Variants in LRP1B observed in about 807,000 individuals in gnomAD.
The protein encoded by LRP1B is low-density lipoprotein receptor-related protein 1B.
In LRP1B, 217 loss-of-function variants were observed where a neutral mutation model predicts 556.6. The observed-to-expected ratio is 0.39, with a 90% CI of 0.35 to 0.44. The LOEUF (loss-of-function observed/expected upper bound fraction) is 0.44, where lower values mean the gene tolerates loss of function less well. Among genes scored for constraint, LRP1B ranks in the 20% least tolerant of loss-of-function variants. LRP1B has a pLI of 1.00. For synonymous variants in LRP1B, 2,047 were observed against 1,865.8 expected, an observed-to-expected ratio of 1.10 and a Z score of -2.50; for missense variants, 5,053 against 5,620.8, an observed-to-expected ratio of 0.90 and a Z score of 3.23.
At chr2:141,699,768 G>A (rs1691869060) in intron 2 of LRP1B, among the ~76,000 whole-genome samples, 1 of 150,596 alleles carries the variant, frequency 6.6e-6, no homozygotes, top group Admixed American at 6.7e-5. Flanking sequence ...TATTGTACAA[G>A]CATGTGAATA....
chr2:140,855,588 C>CT (rs1410197877), intron 27 of LRP1B, among the ~76,000 whole-genome samples: 1 of 151,884 alleles, frequency 6.6e-6, no homozygotes, highest in Non-Finnish European at 1.5e-5. Context: ...ATCCTCAGCA[C>CT]TAGTCAGACT....
chr2:140,756,978 A>T (rs1688761643), intron 35 of LRP1B, among the ~76,000 whole-genome samples: 1 of 152,140 alleles, frequency 6.6e-6, no homozygotes, highest in Non-Finnish European at 1.5e-5. Context: ...AAAGACAAAG[A>T]CCCCAGTAAT....
At chr2:140,702,004 G>T in intron 39 of LRP1B, 137 bp downstream of exon 39, 1 of 1,305,158 alleles carries the variant, frequency 7.7e-7, no homozygotes. Flanking sequence ...AAGAGTACCT[G>T]CCTTTTCTGT....
intron 1 of LRP1B, among the ~76,000 whole-genome samples, chr2:141,832,144 T>C (rs1392187099): frequency 6.6e-6 from 1 of 151,736 alleles, no homozygotes; most frequent in Non-Finnish European, 1.5e-5. Flanking sequence ...TTGCTGAGAA[T>C]ACAGTTGGAA....
chr2:141,721,820 C>A (rs1356335255), intron 2 of LRP1B, among the ~76,000 whole-genome samples: 1 of 152,064 alleles, frequency 6.6e-6, no homozygotes, highest in African/African-American at 2.4e-5. Flanking sequence ...CCTGAACCAC[C>A]AAAATGTATA....
chr2:140,904,858 T>A (rs891523789), intron 22 of LRP1B, among the ~76,000 whole-genome samples: 1 of 151,918 alleles, frequency 6.6e-6, no homozygotes, highest in Non-Finnish European at 1.5e-5. Flanking sequence ...GAAAAAAAAA[T>A]TGTTACAATG....
At chr2:141,616,460 C>T (rs1032334910) in intron 2 of LRP1B, among the ~76,000 whole-genome samples, 3 of 152,150 alleles carry the variant, frequency 2.0e-5, no homozygotes, top group African/African-American at 7.2e-5. Flanking sequence ...TGACACTCTG[C>T]TATCAATTAG....
At chr2:141,663,683 G>A (rs1690309970) in intron 2 of LRP1B, among the ~76,000 whole-genome samples, 1 of 152,098 alleles carries the variant, frequency 6.6e-6, no homozygotes, top group African/African-American at 2.4e-5. Context: ...TTCTGAAATT[G>A]AGGCAGTAAG....
intron 59 of LRP1B, among the ~76,000 whole-genome samples, chr2:140,480,143 A>C (rs968742963): frequency 6.6e-6 from 1 of 152,208 alleles, no homozygotes; most frequent in Non-Finnish European, 1.5e-5. Flanking sequence ...TCAGCTAAAA[A>C]CAGTCATATG....
chr2:140,412,285 T>G (rs987132682), intron 66 of LRP1B, among the ~76,000 whole-genome samples: 1 of 152,080 alleles, frequency 6.6e-6, no homozygotes, highest in African/African-American at 2.4e-5. Context: ...ATAATAAACG[T>G]CTGAGATAGT....
chr2:140,783,649 T>C (rs1424231496), intron 32 of LRP1B, among the ~76,000 whole-genome samples: 5 of 152,182 alleles, frequency 3.3e-5, no homozygotes, highest in African/African-American at 1.2e-4. Context: ...TAATTTGTAC[T>C]GCAGAAGCTC....
intron 3 of LRP1B, among the ~76,000 whole-genome samples, chr2:141,349,306 T>C (rs914386395): frequency 4.6e-5 from 7 of 152,186 alleles, no homozygotes; most frequent in African/African-American, 1.4e-4. Flanking sequence ...ACACACCCTA[T>C]GCCAGGGCCT....
rs925633080 is a variant in LRP1B, at chr2:141,124,244, T to A, written c.1014-61971A>T. On this transcript the variant is annotated intron_variant, in intron 7 of 90. Transcript: ENST00000389484. ...TTTAGGAAATTGTTTGCATAGTTTATGTGTTTGACTCCCAAGGCCACTGAA... is the reference window on the plus strand; with the variant it reads ...TTTAGGAAATTGTTTGCATAGTTTAAGTGTTTGACTCCCAAGGCCACTGAA... 2.6e-5 allele frequency among the ~76,000 whole-genome samples: 4 copies of A among 152,308 alleles called. No homozygotes were observed. The East Asian group carries it at 7.7e-4, about 29-fold the overall frequency.
rs1693627419 is a variant in LRP1B, at chr2:140,885,990, T to G, written c.3964+148A>C. On this transcript the variant is annotated intron_variant, in intron 24 of 90. Coordinates refer to ENST00000389484, the MANE Select transcript of LRP1B (RefSeq NM_018557.3). ...CCCCAACAGGTGCTCACACAGATGC[T>G]CAATATCCCTGATTTTACATATATG... The G allele has an allele frequency of 1.6e-5, 9 of 553,542 alleles. No homozygotes were observed. The South Asian group carries it at 1.7e-4, about 10-fold the overall frequency. 34.3% of individuals were successfully genotyped at this position (553,542 alleles called of 1,614,324 possible). A position where few individuals can be genotyped will look rare whatever the true frequency, so the allele number is the denominator to read the frequency against.
At chr2:140,658,135 G>T (rs1684956864) in intron 41 of LRP1B, among the ~76,000 whole-genome samples, 2 of 151,806 alleles carry the variant, frequency 1.3e-5, no homozygotes, top group Admixed American at 1.3e-4. Flanking sequence ...CATTTTTATT[G>T]TGTCTTTACA....
Position 141,151,954 on chromosome 2 carries a change from AATTTAAT to A in LRP1B, c.1013+36460_1013+36466del, listed in dbSNP as rs1461038729. On this transcript the variant is annotated intron_variant, in intron 7 of 90. Coordinates refer to ENST00000389484, the MANE Select transcript of LRP1B (RefSeq NM_018557.3). ...CTGACACAAATATAAGAAAAATAGTAATTTAATATTTAATAATATTTAATATCTTGCT... is the reference window on the plus strand; with the variant it reads ...CTGACACAAATATAAGAAAAATAGTAATTTAATAATATTTAATATCTTGCT... Among the ~76,000 whole-genome samples the A allele has an allele frequency of 4.6e-5, 7 of 152,136 alleles. No individual in the cohort carries two copies. The East Asian group carries it at 7.7e-4, about 17-fold the overall frequency.
chr2:142,073,731 G>A (rs1190479682), intron 1 of LRP1B, among the ~76,000 whole-genome samples: 1 of 152,016 alleles, frequency 6.6e-6, no homozygotes, highest in African/African-American at 2.4e-5. Context: ...CTGGTGGGAG[G>A]TGATTGGGTC....
At chr2:142,114,876 A>T (rs1475499995) in intron 1 of LRP1B, among the ~76,000 whole-genome samples, 1 of 152,120 alleles carries the variant, frequency 6.6e-6, no homozygotes. Context: ...TTTATTGTAC[A>T]TTTCAAAGTG....
chr2:140,868,222 A>G lies in LRP1B; in HGVS notation c.4211T>C (p.Ile1404Thr). The G allele has an allele frequency of 6.2e-7, 1 of 1,600,734 alleles. No individual in the cohort carries two copies. The highest frequency in any genetic ancestry group is 8.5e-7 in the Non-Finnish European group (1 of 1,174,828). The change falls in exon 26 of 91, where the codon ATT becomes ACT. Residue 1404 changes from isoleucine (I) to threonine (T), a missense_variant. Physicochemically the swap from Ile to Thr is moderately conservative, Grantham distance 89. This residue lies in a region of LRP1B where 3,619 missense variants were observed against 3,931.9 expected (regional missense o/e 0.92). Coordinates refer to ENST00000389484, the MANE Select transcript of LRP1B (RefSeq NM_018557.3). ...AGCACCACTCATAGAGGCAGATTCAATGCGAGGAAAATTTGCATCCCAGTC... is the reference window on the plus strand; with the variant it reads ...AGCACCACTCATAGAGGCAGATTCAGTGCGAGGAAAATTTGCATCCCAGTC... The part of the protein sequence containing the change: ...WTDWDANFPR[I>T]ESASMSGAGR...
Sources: gnomAD v4.1 joint callset for allele counts (sites outside exome capture counted in the v4.1 genomes callset) on GRCh38, gnomAD v4.1.1 for gene constraint, gnomAD v4.1.1 regional missense constraint, MANE v1.5 for transcripts, NCBI Gene and HGNC (gene_info 2026-07-23, HGNC 2026-07-21) for gene names.